Variants in RASGRP3 observed in about 807,000 individuals in gnomAD.
RASGRP3 encodes the protein RAS guanyl releasing protein 3.
RASGRP3 carries 54 observed loss-of-function variants against 82.7 expected under a neutral mutation model. The ratio of observed to expected loss-of-function variants is 0.65; its 90% CI spans 0.52 to 0.82. RASGRP3 has a LOEUF of 0.82. Among genes scored for constraint, RASGRP3 ranks in the 40% least tolerant of loss-of-function variants. The pLI is 0.00. For missense variants in RASGRP3, 861 were observed against 828.9 expected (o/e 1.04, Z -0.48); for synonymous variants, 309 against 300.5 (o/e 1.03, Z -0.29).
chr2:33,501,232 T>A (rs1277719808), intron 1 of RASGRP3, among the ~76,000 whole-genome samples: 1 of 152,226 alleles, frequency 6.6e-6, no homozygotes, highest in African/African-American at 2.4e-5. Context: ...GGTTTATCTA[T>A]ATTGCAGCAT....
chr2:33,528,263 A>G (rs150687033), intron 10 of RASGRP3, among the ~76,000 whole-genome samples: 9 of 152,352 alleles, frequency 5.9e-5, no homozygotes, highest in South Asian at 2.1e-4. Flanking sequence ...TGGGAACTCA[A>G]TAAATGAACT....
chr2:33,529,150 T>C (rs1403263794), intron 10 of RASGRP3, among the ~76,000 whole-genome samples: 1 of 152,116 alleles, frequency 6.6e-6, no homozygotes, highest in Non-Finnish European at 1.5e-5. Flanking sequence ...AAACAAGCAA[T>C]GTTATGACAA....
intron 3 of RASGRP3, 34 bp downstream of exon 3, chr2:33,515,240 T>C: frequency 6.2e-7 from 1 of 1,604,924 alleles, no homozygotes; most frequent in South Asian, 1.1e-5. Flanking sequence ...CTCTTTTGGA[T>C]CTCTCGATGC....
intron 17 of RASGRP3, 33 bp from the exon 18 acceptor site, chr2:33,562,696 C>T (rs1273323083): frequency 6.2e-7 from 1 of 1,610,452 alleles, no homozygotes; most frequent in South Asian, 1.1e-5. Flanking sequence ...ATATGAGATC[C>T]AGCCATGCAA....
intron 2 of RASGRP3, among the ~76,000 whole-genome samples, chr2:33,514,759 T>A: frequency 6.6e-6 from 1 of 152,072 alleles, no homozygotes; most frequent in East Asian, 1.9e-4. Flanking sequence ...CATTAAAAAA[T>A]TTCAGCAGTG....
At chr2:33,475,805 G>A (rs796837401), upstream of RASGRP3, among the ~76,000 whole-genome samples, 27 of 152,296 alleles carry the variant, frequency 1.8e-4, no homozygotes, top group African/African-American at 6.5e-4. Context: ...CACAGAAAAC[G>A]GCAGTTTGCT....
At chr2:33,513,324 C>G (rs1401590293) in intron 2 of RASGRP3, among the ~76,000 whole-genome samples, 1 of 152,188 alleles carries the variant, frequency 6.6e-6, no homozygotes, top group African/African-American at 2.4e-5. Flanking sequence ...CTCCAGTGGT[C>G]TCACTGAACT....
intron 2 of RASGRP3, among the ~76,000 whole-genome samples, chr2:33,450,057 G>A (rs191826587): frequency 3.3e-5 from 5 of 152,218 alleles, no homozygotes; most frequent in African/African-American, 1.2e-4. Flanking sequence ...AGACTCAATA[G>A]GGACTAGAGA....
At position 33,521,954 on chromosome 2, in the gene RASGRP3, G is replaced by T; in HGVS notation, c.369-1G>T. 6.2e-7 allele frequency: 1 copy of T among 1,605,576 alleles called. No individual in the cohort carries two copies. Among genetic ancestry groups the T allele is most frequent in the Non-Finnish European group, 8.5e-7 (1 of 1,177,802 alleles). On this transcript the variant is annotated splice_acceptor_variant, in intron 6 of 17. Coordinates refer to ENST00000403687, the MANE Select transcript of RASGRP3 (RefSeq NM_001139488.2). LOFTEE classifies it high-confidence loss of function. ...TGACCGGACTCACTCTTCTTTTATAGTCCTTCCTATGACTGGATGAGAAGA... is the reference window on the plus strand; with the variant it reads ...TGACCGGACTCACTCTTCTTTTATATTCCTTCCTATGACTGGATGAGAAGA...
At position 33,471,107 on chromosome 2, in the gene RASGRP3, G is replaced by C. The variant is rs572914913; in HGVS notation, c.-261+23164G>C. 1.1e-3 allele frequency among the ~76,000 whole-genome samples: 165 copies of C among 152,174 alleles called. 1 individual carries two copies. Among genetic ancestry groups the C allele is most frequent in the Non-Finnish European group, 2.1e-3 (143 of 67,984 alleles). Reference sequence around the variant, plus strand: ...AGATTTGAATTAACATGAGTATCATGTTAAGAATCAGTCTTTTAATTTTGT... The same window carrying C: ...AGATTTGAATTAACATGAGTATCATCTTAAGAATCAGTCTTTTAATTTTGT... On this transcript the variant is annotated intron_variant, in intron 2 of 18. Coordinates refer to the RASGRP3 transcript ENST00000402538.
intron 1 of RASGRP3, among the ~76,000 whole-genome samples, chr2:33,498,796 CT>C (rs1375842652): frequency 6.6e-6 from 1 of 152,066 alleles, no homozygotes; most frequent in East Asian, 1.9e-4. Flanking sequence ...CGTAATGCCC[CT>C]GATCATAACT....
At chr2:33,518,625 C>T (rs544439910) in intron 4 of RASGRP3, among the ~76,000 whole-genome samples, 3 of 152,288 alleles carry the variant, frequency 2.0e-5, no homozygotes, top group South Asian at 2.1e-4. Flanking sequence ...TTGTAATATA[C>T]ACCTTAAAAC....
chr2:33,528,772 C>T (rs749309447), intron 10 of RASGRP3, among the ~76,000 whole-genome samples: 5 of 152,202 alleles, frequency 3.3e-5, no homozygotes, highest in African/African-American at 4.8e-5. Flanking sequence ...AAGTGGCCAA[C>T]ACACAGAAAC....
At chr2:33,463,308 G>T (rs978462634) in intron 2 of RASGRP3, among the ~76,000 whole-genome samples, 1 of 152,128 alleles carries the variant, frequency 6.6e-6, no homozygotes, top group African/African-American at 2.4e-5. Context: ...GAGAAACACT[G>T]CCATAAAGGT....
At chr2:33,545,133 A>T (rs78007683) in intron 13 of RASGRP3, among the ~76,000 whole-genome samples, 10,036 of 152,262 alleles carry the variant, frequency 0.066, 372 homozygotes, top group South Asian at 0.092. Context: ...TCTAGAGACA[A>T]AATTGAGATT....
chr2:33,531,277 A>G (rs1446543623), intron 10 of RASGRP3, among the ~76,000 whole-genome samples: 1 of 152,222 alleles, frequency 6.6e-6, no homozygotes, highest in Non-Finnish European at 1.5e-5. Flanking sequence ...GCCAGGCTCA[A>G]AATATGTTTG....
At chr2:33,465,032 G>GA (rs1193088840) in intron 2 of RASGRP3, among the ~76,000 whole-genome samples, 7 of 152,128 alleles carry the variant, frequency 4.6e-5, no homozygotes, top group Non-Finnish European at 8.8e-5. Flanking sequence ...TCTTACTTTA[G>GA]ATCAAAAGCT....
Position 33,558,943 on chromosome 2 carries a change from G to A in RASGRP3, c.1977G>A (p.Arg659=). The change falls in exon 17 of 18, where the codon AGG becomes AGA. Residue 659 remains arginine, a synonymous_variant. Transcript: ENST00000403687. Reference sequence around the variant, plus strand: ...CCAAATGGGAAAATGAGAAGCCCAGGGTGCATGCTGGTGTGGATGTTGTAG... The same window carrying A: ...CCAAATGGGAAAATGAGAAGCCCAGAGTGCATGCTGGTGTGGATGTTGTAG... ...GFAKWENEKP[R]VHAGVDVVDR... 6.2e-7 allele frequency: 1 copy of A among 1,613,982 alleles called. No individual in the cohort carries two copies. Among genetic ancestry groups the A allele is most frequent in the Middle Eastern group, 1.7e-4 (1 of 6,060 alleles).
chr2:33,452,088 T>C (rs1665830211), intron 2 of RASGRP3, among the ~76,000 whole-genome samples: 1 of 152,188 alleles, frequency 6.6e-6, no homozygotes, highest in Admixed American at 6.5e-5. Context: ...TTTTATGGTT[T>C]CTATACCCTC....
Sources: allele counts gnomAD v4.1 joint callset (sites outside exome capture counted in the v4.1 genomes callset), GRCh38; gene constraint gnomAD v4.1.1; transcripts MANE v1.5; gene names NCBI Gene and HGNC (gene_info 2026-07-23, HGNC 2026-07-21).